ERICH1: variants seen among roughly 807,000 people sequenced by gnomAD.
The protein encoded by ERICH1 is glutamate-rich protein 1.
A neutral mutation model predicts 39.6 loss-of-function variants in ERICH1; 56 were observed. The ratio of observed to expected loss-of-function variants is 1.41; its 90% CI spans 1.14 to 1.77. The LOEUF (loss-of-function observed/expected upper bound fraction) is 1.77, where lower values mean the gene tolerates loss of function less well. Ranked by LOEUF, ERICH1 falls within the 40% of genes most tolerant of loss-of-function variation. The pLI is 0.00. For missense variants in ERICH1, 826 were observed against 575.4 expected (o/e 1.44, Z -4.45); for synonymous variants, 313 against 223.6 (o/e 1.40, Z -3.57).
At chr8:658,496 T>C (rs983855610) in intron 3 of ERICH1, among the ~76,000 whole-genome samples, 1 of 152,100 alleles carries the variant, frequency 6.6e-6, no homozygotes, top group African/African-American at 2.4e-5. Flanking sequence ...CCTCATCCCA[T>C]CCCCGAGGCA....
At chr8:625,636 C>T (rs2117061161) in intron 3 of ERICH1, 1 of 152,310 alleles carries the variant, frequency 6.6e-6, no homozygotes, top group African/African-American at 2.4e-5. Flanking sequence ...CAAATTATAT[C>T]TTAAGACATT....
intron 3 of ERICH1, among the ~76,000 whole-genome samples, chr8:642,982 G>C (rs1799187839): frequency 6.6e-6 from 1 of 152,180 alleles, no homozygotes; most frequent in Non-Finnish European, 1.5e-5. Context: ...TCACTTGTTG[G>C]AACGTGGCCC....
intron 1 of ERICH1, among the ~76,000 whole-genome samples, chr8:717,612 C>T (rs1416503627): frequency 1.3e-5 from 2 of 152,194 alleles, no homozygotes; most frequent in Non-Finnish European, 2.9e-5. Flanking sequence ...GCACTTTATC[C>T]AACATCTTCA....
At chr8:642,680 G>A (rs62486236) in intron 3 of ERICH1, among the ~76,000 whole-genome samples, 2,845 of 152,146 alleles carry the variant, frequency 0.019, 34 homozygotes, top group Middle Eastern at 0.034. Context: ...TGGCACGTCT[G>A]TTATGAGGTC....
intron 3 of ERICH1, among the ~76,000 whole-genome samples, chr8:620,888 C>T (rs917178701): frequency 6.6e-6 from 1 of 152,112 alleles, no homozygotes; most frequent in African/African-American, 2.4e-5. Flanking sequence ...GGCAGAAGAT[C>T]CACACAGAAA....
At chr8:684,750 G>C (rs1806910014) in intron 3 of ERICH1, among the ~76,000 whole-genome samples, 1 of 152,154 alleles carries the variant, frequency 6.6e-6, no homozygotes, top group South Asian at 2.1e-4. Flanking sequence ...TTAAAGCTGG[G>C]TGTCCGGGGG....
chr8:692,165 T>C (rs536136830), intron 3 of ERICH1, among the ~76,000 whole-genome samples: 1 of 152,348 alleles, frequency 6.6e-6, no homozygotes, highest in East Asian at 1.9e-4. Flanking sequence ...TGTTAACAAT[T>C]ATTTAATGGT....
At chr8:615,582 C>G (rs1392371351) in intron 3 of ERICH1, 5 of 321,494 alleles carry the variant, frequency 1.6e-5, no homozygotes, top group Non-Finnish European at 1.7e-5. Context: ...AGCTATTTGG[C>G]AAATGCTATG....
At chr8:628,487 A>AT (rs2117080743) in intron 3 of ERICH1, among the ~76,000 whole-genome samples, 1 of 152,328 alleles carries the variant, frequency 6.6e-6, no homozygotes, top group South Asian at 2.1e-4. Context: ...GCTGCTCCCC[A>AT]GTCCCCAGGC....
Position 627,643 on chromosome 8 carries a change from C to T in ERICH1, c.977-12359G>A, listed in dbSNP as rs374009660. ...CATTTCACTGGCCTTCACGGAGGTC[C>T]GGGGTGCCTCCCTGCACCACCTGAA... On this transcript the variant is annotated intron_variant, in intron 3 of 3. Coordinates refer to the ERICH1 transcript ENST00000522706. Among the ~76,000 whole-genome samples, 73 of 152,306 alleles carry T rather than the reference C, an allele frequency of 4.8e-4. 1 individual carries two copies. The South Asian group carries it at 0.011, about 24-fold the overall frequency.
intron 3 of ERICH1, among the ~76,000 whole-genome samples, chr8:622,885 G>C (rs1359398155): frequency 6.6e-6 from 1 of 151,964 alleles, no homozygotes; most frequent in Non-Finnish European, 1.5e-5. Context: ...TTGAGCCCAG[G>C]AATTCAAGGC....
chr8:700,759 G>C (rs1054185218), intron 2 of ERICH1, among the ~76,000 whole-genome samples: 1 of 152,262 alleles, frequency 6.6e-6, no homozygotes, highest in African/African-American at 2.4e-5. Flanking sequence ...TGCAAATGTG[G>C]TTTGCTGTCT....
intron 3 of ERICH1, among the ~76,000 whole-genome samples, chr8:654,214 A>G (rs1800327220): frequency 6.6e-6 from 1 of 152,350 alleles, no homozygotes; most frequent in South Asian, 2.1e-4. Flanking sequence ...AAATAATGCA[A>G]AATACGCCAA....
At chr8:677,091 T>G (rs911481780) in intron 3 of ERICH1, among the ~76,000 whole-genome samples, 4 of 152,240 alleles carry the variant, frequency 2.6e-5, no homozygotes, top group Non-Finnish European at 5.9e-5. Context: ...CCTGCCCGCA[T>G]GCTGGACAGG....
intron 3 of ERICH1, chr8:627,031 C>T (rs1226185690): frequency 6.8e-6 from 3 of 442,908 alleles, no homozygotes; most frequent in Non-Finnish European, 9.2e-6. Flanking sequence ...TCCGACACTC[C>T]CTTCTGTCTC....
In ERICH1 at chr8:716,553, C is replaced by T. The variant is rs150136700; in HGVS notation, c.23-546G>A. ...CAACAACTGCGAATGGGGAGAATTC[C>T]GTGCATCTGACGTGGTTTAACGACT... On this transcript the variant is annotated intron_variant, in intron 1 of 5. Transcript: ENST00000262109. 2.9e-3 allele frequency among the ~76,000 whole-genome samples: 438 copies of T among 152,346 alleles called. 3 individuals are homozygous for T. The highest frequency in any genetic ancestry group is 9.9e-3 in the African/African-American group (410 of 41,564).
At chr8:718,178 C>G (rs1403481708) in intron 1 of ERICH1, among the ~76,000 whole-genome samples, 2 of 151,756 alleles carry the variant, frequency 1.3e-5, no homozygotes, top group African/African-American at 4.8e-5. Context: ...CAACGCACAA[C>G]ACACCAGGGT....
chr8:658,707 CCCCT>C (rs1800996545), intron 3 of ERICH1, among the ~76,000 whole-genome samples: 1 of 152,172 alleles, frequency 6.6e-6, no homozygotes, highest in Non-Finnish European at 1.5e-5. Context: ...CCTAGAGATG[CCCCT>C]GGTACAAACA....
chr8:681,541 C>T lies in ERICH1; in HGVS notation c.305-7494G>A, dbSNP rs377349363. 5.3e-5 allele frequency among the ~76,000 whole-genome samples: 8 copies of T among 152,254 alleles called. No individual in the cohort carries two copies. In the East Asian group the frequency reaches 7.7e-4, roughly 15 times the overall value. On this transcript the variant is annotated intron_variant, in intron 3 of 5. Transcript: ENST00000262109. ...GTAATCAGAACTTGAAGGAACAAAACGCAAGCAGGATTGCAAAGCAGTGCC... is the reference window on the plus strand; with the variant it reads ...GTAATCAGAACTTGAAGGAACAAAATGCAAGCAGGATTGCAAAGCAGTGCC...
Sources: allele counts gnomAD v4.1 joint callset (sites outside exome capture counted in the v4.1 genomes callset), GRCh38; gene constraint gnomAD v4.1.1; transcripts MANE v1.5; gene names NCBI Gene and HGNC (gene_info 2026-07-23, HGNC 2026-07-21).